Variants in IL1RAPL1 observed in about 807,000 individuals in gnomAD.
The protein encoded by IL1RAPL1 is interleukin-1 receptor accessory protein-like 1.
A neutral mutation model predicts 48.4 loss-of-function variants in IL1RAPL1; 3 were observed. That is an observed-to-expected ratio of 0.06 (90% CI 0.03 to 0.16). The LOEUF is 0.16. Ranked by LOEUF, IL1RAPL1 falls within the 10% of genes least tolerant of loss-of-function variation. The probability of loss-of-function intolerance (pLI) is 1.00; values close to 1 mark genes in which losing one functional copy is unlikely to be tolerated. For synonymous variants in IL1RAPL1, 185 were observed against 187.7 expected, an observed-to-expected ratio of 0.99 and a Z score of 0.12; for missense variants, 349 against 530.6, an observed-to-expected ratio of 0.66 and a Z score of 3.36.
At chrX:29,698,703 C>G (rs1341266790) in intron 6 of IL1RAPL1, among the ~76,000 whole-genome samples, 2 of 111,636 alleles carry the variant, frequency 1.8e-5, no homozygotes, top group African/African-American at 3.3e-5. Flanking sequence ...TTTAATTGTT[C>G]TAATGATTTC....
intron 5 of IL1RAPL1, among the ~76,000 whole-genome samples, chrX:29,540,842 A>G (rs1921415212): frequency 8.9e-6 from 1 of 112,178 alleles, no homozygotes; most frequent in African/African-American, 3.2e-5. Context: ...AAGAAAAACT[A>G]GGAAACACCA....
At chrX:28,714,674 A>G (rs1935481762) in intron 1 of IL1RAPL1, among the ~76,000 whole-genome samples, 1 of 111,917 alleles carries the variant, frequency 8.9e-6, no homozygotes, top group African/African-American at 3.2e-5. Flanking sequence ...GCAGCCTTGA[A>G]AGTAGAAAAT....
chrX:29,187,101 A>G (rs778959655), intron 2 of IL1RAPL1, among the ~76,000 whole-genome samples: 13 of 111,745 alleles, frequency 1.2e-4, no homozygotes, highest in Non-Finnish European at 2.4e-4. Context: ...CTGCATATGT[A>G]TCCCTGAACT....
intron 2 of IL1RAPL1, among the ~76,000 whole-genome samples, chrX:29,251,742 G>C: frequency 9.0e-6 from 1 of 111,002 alleles, no homozygotes; most frequent in East Asian, 2.8e-4. Flanking sequence ...TGTGAGTTGG[G>C]GGAATATGCT....
intron 2 of IL1RAPL1, among the ~76,000 whole-genome samples, chrX:29,219,857 T>A (rs1411505103): frequency 9.0e-6 from 1 of 111,011 alleles, no homozygotes; most frequent in Middle Eastern, 4.2e-3. Flanking sequence ...AAAGCATAGA[T>A]CTACTTATAG....
At chrX:28,870,898 A>G in intron 2 of IL1RAPL1, among the ~76,000 whole-genome samples, 1 of 111,912 alleles carries the variant, frequency 8.9e-6, no homozygotes, top group Middle Eastern at 4.7e-3. Context: ...TTGTATGGGA[A>G]TTGTACTCAA....
chrX:29,098,278 C>A (rs752131523), intron 2 of IL1RAPL1, among the ~76,000 whole-genome samples: 2 of 111,187 alleles, frequency 1.8e-5, no homozygotes, highest in African/African-American at 3.3e-5. Flanking sequence ...CCACTGCTCT[C>A]CTTTTACACT....
chrX:28,612,129 G>A (rs1934154857), intron 1 of IL1RAPL1, among the ~76,000 whole-genome samples: 1 of 110,953 alleles, frequency 9.0e-6, no homozygotes, highest in Admixed American at 9.6e-5. Flanking sequence ...TGGGGTCAGG[G>A]CAAGAAAACA....
At chrX:28,640,977 G>T (rs1443843295) in intron 1 of IL1RAPL1, among the ~76,000 whole-genome samples, 1 of 110,891 alleles carries the variant, frequency 9.0e-6, no homozygotes, top group Non-Finnish European at 1.9e-5. Flanking sequence ...TATCTGGGTA[G>T]CTCTGACTTG....
At chrX:29,176,879 T>C (rs1446191076) in intron 2 of IL1RAPL1, among the ~76,000 whole-genome samples, 1 of 111,313 alleles carries the variant, frequency 9.0e-6, no homozygotes, top group Admixed American at 9.6e-5. Flanking sequence ...GTGATTCAAA[T>C]GAGGTTGACA....
chrX:29,303,986 T>C (rs945156566), intron 3 of IL1RAPL1, among the ~76,000 whole-genome samples: 1 of 111,746 alleles, frequency 8.9e-6, no homozygotes, highest in African/African-American at 3.3e-5. Flanking sequence ...ATTTTATTTC[T>C]GCCTCATTAA....
At chrX:28,968,969 A>G (rs1042369946) in intron 2 of IL1RAPL1, among the ~76,000 whole-genome samples, 2 of 112,755 alleles carry the variant, frequency 1.8e-5, no homozygotes, top group Admixed American at 9.3e-5. Flanking sequence ...ATTTTTAACA[A>G]TGGAACAATT....
intron 6 of IL1RAPL1, among the ~76,000 whole-genome samples, chrX:29,751,811 A>G (rs1928469346): frequency 9.2e-6 from 1 of 108,128 alleles, no homozygotes; most frequent in Non-Finnish European, 1.9e-5. Context: ...TCACACCTGT[A>G]GTCCTATCTA....
chrX:28,653,008 G>A (rs1034071771), intron 1 of IL1RAPL1, among the ~76,000 whole-genome samples: 10 of 111,422 alleles, frequency 9.0e-5, no homozygotes, highest in East Asian at 5.6e-4. Context: ...GAAGACACGC[G>A]CAGGTAGAGC....
At position 29,164,278 on chromosome X, in the gene IL1RAPL1, G is replaced by A. The variant is rs761179758; in HGVS notation, c.83-118660G>A. Among the ~76,000 whole-genome samples, 14 of 111,622 alleles carry A rather than the reference G, an allele frequency of 1.3e-4. No homozygotes were observed. In the South Asian group the frequency reaches 5.3e-3, roughly 42 times the overall value. ...TCCTACTGCAAGATAAGCTCCTTGA[G>A]AGCCAAGACTGTGTACTATTCATTT... On this transcript the variant is annotated intron_variant, in intron 2 of 10. Coordinates refer to ENST00000378993, the MANE Select transcript of IL1RAPL1 (RefSeq NM_014271.4).
chrX:29,536,953 T>G (rs1254147153), intron 5 of IL1RAPL1, among the ~76,000 whole-genome samples: 1 of 110,621 alleles, frequency 9.0e-6, no homozygotes, highest in Admixed American at 9.7e-5. Flanking sequence ...CAATGGCTTA[T>G]ATAATAAAAT....
chrX:29,836,512 C>G (rs963913397), intron 6 of IL1RAPL1, among the ~76,000 whole-genome samples: 1 of 111,780 alleles, frequency 8.9e-6, no homozygotes, highest in African/African-American at 3.3e-5. Context: ...TAATTTGTCT[C>G]AAGACATTTT....
chrX:29,936,470 A>G (rs939896010), intron 8 of IL1RAPL1, among the ~76,000 whole-genome samples: 4 of 108,744 alleles, frequency 3.7e-5, no homozygotes, highest in African/African-American at 1.3e-4. Context: ...AAAGTAAGCC[A>G]TCTAAAATCT....
chrX:29,527,738 G>GA (rs776041505), intron 5 of IL1RAPL1, among the ~76,000 whole-genome samples: 1 of 111,302 alleles, frequency 9.0e-6, no homozygotes, highest in Admixed American at 9.6e-5. Context: ...AAGAAAACTG[G>GA]AAAAAATGCA....
Sources: gnomAD v4.1 joint callset for allele counts (sites outside exome capture counted in the v4.1 genomes callset) on GRCh38, gnomAD v4.1.1 for gene constraint, MANE v1.5 for transcripts, NCBI Gene and HGNC (gene_info 2026-07-23, HGNC 2026-07-21) for gene names.